The following ARHGEF16 variants were observed in gnomAD, a reference collection of about 807,000 sequenced individuals.
The protein encoded by ARHGEF16 is Rho guanine exchange factor (GEF) 16.
In ARHGEF16, 59 loss-of-function variants were observed where a neutral mutation model predicts 74.1. That is an observed-to-expected ratio of 0.80 (90% confidence interval 0.65 to 0.99). ARHGEF16 has a LOEUF of 0.99. Among genes scored for constraint, ARHGEF16 ranks in the 50% least tolerant of loss-of-function variants. The probability of loss-of-function intolerance (pLI) is 0.00; values close to 1 mark genes in which losing one functional copy is unlikely to be tolerated. For synonymous variants in ARHGEF16, 415 were observed against 412.6 expected (o/e 1.01, Z -0.07); for missense variants, 948 against 986.6 (o/e 0.96, Z 0.52).
chr1:3,467,068 TGA>T (rs1639566712), intron 3 of ARHGEF16, 98 bp from the exon 4 acceptor site: 6 of 1,285,820 alleles, frequency 4.7e-6, no homozygotes, highest in African/African-American at 4.5e-5. Flanking sequence ...CACACAGCCG[TGA>T]GAGCCTGTGG....
rs199934599 is a variant in ARHGEF16 at position 3,473,451 on chromosome 1, G to T, written c.1234G>T (p.Gly412Trp). The T allele has an allele frequency of 5.0e-6, 8 of 1,612,254 alleles. No homozygotes were observed. The African/African-American group carries it at 1.1e-4, about 22-fold the overall frequency. ...AGAGATTGAGAGGCGGCCGGCGTGC[G>T]GGGGCCTGCCCATGCTCTCCTTCCT... ...LREIERRPACGGLPMLSFLIL... is the reference protein window; with the variant it reads ...LREIERRPACWGLPMLSFLIL... The change falls in exon 8 of 15, where the codon GGG becomes TGG. Residue 412 changes from glycine (G) to tryptophan (W), a missense_variant. By Grantham distance (184) the Gly-to-Trp change is radical (BLOSUM62 -2). Transcript: ENST00000378378.
At chr1:3,479,440 T>G in intron 12 of ARHGEF16, 77 bp from the exon 13 acceptor site, 23 of 1,472,746 alleles carry the variant, frequency 1.6e-5, no homozygotes, top group Non-Finnish European at 2.0e-5. Context: ...CCCCCATGGG[T>G]GGCTGTCAGA....
In ARHGEF16 at chr1:3,480,717, T is replaced by G; in HGVS notation, c.*130T>G. Reference sequence around the variant, plus strand: ...TTCCCTGGGGCTTCCCAAGAGCCTGTGGCTGTGGTGCCGGGCTCCAGACAC... The same window carrying G: ...TTCCCTGGGGCTTCCCAAGAGCCTGGGGCTGTGGTGCCGGGCTCCAGACAC... On this transcript the variant is annotated 3_prime_UTR_variant, in exon 15 of 15. Coordinates refer to ENST00000378378, the MANE Select transcript of ARHGEF16 (RefSeq NM_014448.4). The G allele has an allele frequency of 7.9e-7, 1 of 1,270,862 alleles. No individual in the cohort carries two copies. The highest frequency in any genetic ancestry group is 1.1e-6 in the Non-Finnish European group (1 of 941,134). The allele number at this position is 1,270,862 out of a possible 1,614,324, so 78.7% of individuals were successfully genotyped here. A position where few individuals can be genotyped will look rare whatever the true frequency, so the allele number is the denominator to read the frequency against.
chr1:3,473,419 C>G lies in ARHGEF16; in HGVS notation c.1202C>G (p.Ala401Gly). Residue 401 changes from alanine (A) to glycine (G), a missense_variant, in exon 8 of 15, where the codon GCC becomes GGC. Transcript: ENST00000378378. ...AGCAGCAACGCCGCCTTCCGAGAGG[C>G]CCTGAGAGAGATTGAGAGGCGGCCG... is the stretch of plus-strand genomic sequence containing the variant. Reference protein sequence around the residue: ...LISSNAAFREALREIERRPAC... With the variant: ...LISSNAAFREGLREIERRPAC... 7 of 1,612,034 alleles carry G rather than the reference C, an allele frequency of 4.3e-6. No individual in the cohort carries two copies. The highest frequency in any genetic ancestry group is 1.3e-5 in the African/African-American group (1 of 75,060).
intron 3 of ARHGEF16, 139 bp from the exon 4 acceptor site, chr1:3,467,029 G>T (rs3893316): frequency 0.83 from 741,071 of 891,264 alleles, 313,199 homozygotes; most frequent in Non-Finnish European, 0.87. Context: ...CCCAGCCTGG[G>T]GCAGTCCCCT....
intron 6 of ARHGEF16, chr1:3,471,613 C>T: frequency 3.5e-6 from 4 of 1,134,346 alleles, no homozygotes; most frequent in South Asian, 1.8e-5. Context: ...GCTTTGTGTT[C>T]TCTGAGCTCT....
rs536943733 is a variant in ARHGEF16 at position 3,478,192 on chromosome 1, C to T, written c.1625+166C>T. The T allele has an allele frequency of 6.5e-5, 69 of 1,058,176 alleles. No homozygotes were observed. The African/African-American group carries it at 9.2e-4, about 14-fold the overall frequency. The allele number at this position is 1,058,176 out of a possible 1,614,324, so 65.5% of individuals were successfully genotyped here. Reference sequence around the variant, plus strand: ...CTACGTGACACTCGGGGGCAGGTGGCGCTCGCTGTGCAGCCTCTGACCTCC... The same window carrying T: ...CTACGTGACACTCGGGGGCAGGTGGTGCTCGCTGTGCAGCCTCTGACCTCC... On this transcript the variant is annotated intron_variant, in intron 11 of 14. Transcript: ENST00000378378.
rs1473284214 is a variant in ARHGEF16 at position 3,476,068 on chromosome 1, T to A, written c.1473+6T>A. ...TGGACTTCAGCAAGGTCAAGGTAGG[T>A]GGCCCCGGACATCAGGGCCACTCGG... On this transcript the variant is annotated splice_donor_region_variant and intron_variant, in intron 10 of 14. Coordinates refer to ENST00000378378, the MANE Select transcript of ARHGEF16 (RefSeq NM_014448.4). The A allele has an allele frequency of 6.5e-7, 1 of 1,549,922 alleles. No homozygotes were observed. Among genetic ancestry groups the A allele is most frequent in the East Asian group, 2.4e-5 (1 of 40,962 alleles).
At chr1:3,470,405 G>A (rs994113051) in intron 6 of ARHGEF16, among the ~76,000 whole-genome samples, 5 of 148,654 alleles carry the variant, frequency 3.4e-5, no homozygotes. Context: ...TGCCTGGGCA[G>A]CAGTGTGTGT....
intron 4 of ARHGEF16, chr1:3,468,663 G>A (rs1417898): frequency 0.049 from 28,665 of 583,442 alleles, 1,134 homozygotes; most frequent in Admixed American, 0.14. Flanking sequence ...GGCGGCTGGG[G>A]GGAGCGGGGG....
intron 11 of ARHGEF16, 133 bp downstream of exon 11, chr1:3,478,159 C>T: frequency 1.5e-6 from 2 of 1,291,380 alleles, no homozygotes; most frequent in Non-Finnish European, 2.2e-6. Context: ...TTCCACTCGG[C>T]ACATGCTCTA....
rs187742313 is a variant in ARHGEF16, at chr1:3,459,619, C to T, written c.-19-3447C>T. Among the ~76,000 whole-genome samples, 7 of 152,046 alleles carry T rather than the reference C, an allele frequency of 4.6e-5. No individual in the cohort carries two copies. The East Asian group carries it at 5.8e-4, about 13-fold the overall frequency. On this transcript the variant is annotated intron_variant, in intron 1 of 14. Coordinates refer to ENST00000378378, the MANE Select transcript of ARHGEF16 (RefSeq NM_014448.4). ...CACTGGGCCCTCTGGAGAGGGAGGA[C>T]GGGGGGTGTCTGGGAAAAACACTGA...
chr1:3,461,458 A>G (rs756603112), intron 1 of ARHGEF16, among the ~76,000 whole-genome samples: 7 of 152,210 alleles, frequency 4.6e-5, no homozygotes, highest in Non-Finnish European at 1.0e-4. Context: ...TCACTTGCTC[A>G]TTGACCACAT....
At chr1:3,466,399 G>A (rs1639546168) in intron 3 of ARHGEF16, among the ~76,000 whole-genome samples, 1 of 152,118 alleles carries the variant, frequency 6.6e-6, no homozygotes, top group Non-Finnish European at 1.5e-5. Context: ...AGTTCCCTTG[G>A]ACTCTATTCT....
At position 3,474,164 on chromosome 1, in the gene ARHGEF16, C is replaced by T. The variant is rs150939265; in HGVS notation, c.1306-544C>T. On this transcript the variant is annotated intron_variant, in intron 8 of 14. Transcript: ENST00000378378. ...CATGCACATGTGCACACAATGCACA[C>T]GTTTGCATACATGCACACACAGGCA... The T allele has an allele frequency of 2.7e-3, 526 of 194,220 alleles. 2 individuals are homozygous for T. The highest frequency in any genetic ancestry group is 0.011 in the African/African-American group (496 of 43,134). 12.0% of individuals were successfully genotyped at this position (194,220 alleles called of 1,614,324 possible). A position where few individuals can be genotyped will look rare whatever the true frequency, so the allele number is the denominator to read the frequency against.
At chr1:3,474,377 C>A (rs1172973478) in intron 8 of ARHGEF16, 4 of 331,860 alleles carry the variant, frequency 1.2e-5, no homozygotes, top group Non-Finnish European at 2.3e-5. Flanking sequence ...ACCTCAAACT[C>A]CTGGGGGCCC....
intron 2 of ARHGEF16, 94 bp from the exon 3 acceptor site, chr1:3,466,054 A>C: frequency 7.3e-7 from 1 of 1,372,066 alleles, no homozygotes; most frequent in Non-Finnish European, 1.0e-6. Flanking sequence ...TCGCATGTGG[A>C]GCCGAGAGGT....
At chr1:3,479,407 CCA>C (rs552967114) in intron 12 of ARHGEF16, 108 bp from the exon 13 acceptor site, 2 of 1,096,012 alleles carry the variant, frequency 1.8e-6, no homozygotes, top group Non-Finnish European at 1.3e-6. Flanking sequence ...CCCACCCCCA[CCA>C]CCCCCATCTC....
chr1:3,474,833 G>T (rs762211293), intron 9 of ARHGEF16, 51 bp downstream of exon 9: 5 of 1,557,736 alleles, frequency 3.2e-6, no homozygotes, highest in South Asian at 1.1e-5. Flanking sequence ...CCCCGACCCT[G>T]TCCCCACCCA....
Sources: gnomAD v4.1 joint callset for allele counts (sites outside exome capture counted in the v4.1 genomes callset) on GRCh38, gnomAD v4.1.1 for gene constraint, MANE v1.5 for transcripts, NCBI Gene and HGNC (gene_info 2026-07-23, HGNC 2026-07-21) for gene names.